The following RPS6KB1 variants were observed in gnomAD, a reference collection of about 807,000 sequenced individuals.
RPS6KB1 encodes ribosomal protein S6 kinase B1, also known as ribosomal protein S6 kinase beta-1.
In RPS6KB1, 12 loss-of-function variants were observed where a neutral mutation model predicts 70.2. That is an observed-to-expected ratio of 0.17 (90% CI 0.11 to 0.28). The LOEUF is 0.28. RPS6KB1 is among the 10% of genes least tolerant of loss of function. RPS6KB1 has a pLI of 1.00. For missense variants in RPS6KB1, 270 were observed against 646.6 expected (o/e 0.42, Z 6.32); for synonymous variants, 175 against 211.2 (o/e 0.83, Z 1.49).
intron 4 of RPS6KB1, among the ~76,000 whole-genome samples, chr17:59,919,857 C>G (rs2043168454): frequency 6.6e-6 from 1 of 152,054 alleles, no homozygotes; most frequent in African/African-American, 2.4e-5. Context: ...AATTTTTCCT[C>G]TAATGTTTGA....
chr17:59,929,590 T>A (rs1372103686), intron 5 of RPS6KB1, among the ~76,000 whole-genome samples: 1 of 152,252 alleles, frequency 6.6e-6, no homozygotes, highest in Non-Finnish European at 1.5e-5. Context: ...GACTTAGGGA[T>A]CCTAATATCA....
At chr17:59,938,464 C>T (rs2044381230) in intron 12 of RPS6KB1, among the ~76,000 whole-genome samples, 1 of 150,912 alleles carries the variant, frequency 6.6e-6, no homozygotes, top group Non-Finnish European at 1.5e-5. Context: ...GTTACTATGT[C>T]TCTTAGGTCT....
rs2041313131 is a variant in RPS6KB1 at position 59,893,833 on chromosome 17, C to A, written c.141+508C>A. On this transcript the variant is annotated intron_variant, in intron 1 of 14. Transcript: ENST00000225577. The surrounding 1 kb of genome is among the most constrained non-coding windows in gnomAD (Gnocchi z 4.1). ...TGTTAGAAGTGACAGCTGAAAACTT[C>A]TGTCGGGAGTAGCACTGCCGCTGCT... 1 of 986,234 alleles carries A rather than the reference C, an allele frequency of 1.0e-6. No homozygotes were observed. The highest frequency in any genetic ancestry group is 6.1e-5 in the Admixed American group (1 of 16,472). The allele number at this position is 986,234 out of a possible 1,614,324, so 61.1% of individuals were successfully genotyped here.
intron 10 of RPS6KB1, among the ~76,000 whole-genome samples, chr17:59,935,732 C>T (rs1320972714): frequency 6.6e-6 from 1 of 152,020 alleles, no homozygotes; most frequent in Non-Finnish European, 1.5e-5. Flanking sequence ...GCCCTGGCCT[C>T]CCAAAGTGCT....
intron 4 of RPS6KB1, among the ~76,000 whole-genome samples, chr17:59,923,299 C>T (rs1344502873): frequency 6.6e-6 from 1 of 152,010 alleles, no homozygotes; most frequent in Non-Finnish European, 1.5e-5. Context: ...TCCAGTCATT[C>T]TCGTGCCTCA....
chr17:59,945,637 A>G, intron 14 of RPS6KB1, 119 bp downstream of exon 14: 2 of 632,450 alleles, frequency 3.2e-6, no homozygotes, highest in East Asian at 5.5e-5. Context: ...TTTGGTTGAC[A>G]TAAGCACAGC....
intron 4 of RPS6KB1, among the ~76,000 whole-genome samples, chr17:59,916,779 T>A (rs2042986447): frequency 6.6e-6 from 1 of 152,176 alleles, no homozygotes; most frequent in African/African-American, 2.4e-5. Flanking sequence ...TTTTTCTTAG[T>A]TTATGTCCTT....
intron 1 of RPS6KB1, among the ~76,000 whole-genome samples, chr17:59,906,723 C>G (rs1324339000): frequency 6.6e-6 from 1 of 152,020 alleles, no homozygotes; most frequent in Non-Finnish European, 1.5e-5. Context: ...GAGATGGAGT[C>G]TCGCTCTGTC....
rs748902570 is a variant in RPS6KB1, at chr17:59,947,581, T to G, written c.*793T>G. On this transcript the variant is annotated 3_prime_UTR_variant, in exon 15 of 15. Coordinates refer to ENST00000225577, the MANE Select transcript of RPS6KB1 (RefSeq NM_003161.4). Reference sequence around the variant, plus strand: ...AATGAATCTATTTAATCATTTCTACTTGCAGTACTGCTATGTGCTAAGCTT... The same window carrying G: ...AATGAATCTATTTAATCATTTCTACGTGCAGTACTGCTATGTGCTAAGCTT... 1 of 1,517,640 alleles carries G rather than the reference T, an allele frequency of 6.6e-7. No individual in the cohort carries two copies. Among genetic ancestry groups the G allele is most frequent in the East Asian group, 2.4e-5 (1 of 41,646 alleles). The allele number at this position is 1,517,640 out of a possible 1,614,324, so 94.0% of individuals were successfully genotyped here. A position where few individuals can be genotyped will look rare whatever the true frequency, so the allele number is the denominator to read the frequency against.
chr17:59,932,363 G>A (rs1377169641), intron 7 of RPS6KB1, among the ~76,000 whole-genome samples: 3 of 152,028 alleles, frequency 2.0e-5, no homozygotes, highest in Non-Finnish European at 4.4e-5. Context: ...AGTGAGCCAA[G>A]ATCGCGACAT....
At chr17:59,937,121 C>G (rs1184283405) in intron 12 of RPS6KB1, among the ~76,000 whole-genome samples, 1 of 152,196 alleles carries the variant, frequency 6.6e-6, no homozygotes, top group East Asian at 1.9e-4. Context: ...CTCAGCCTCT[C>G]AAAGTGCTGG....
chr17:59,944,365 C>G (rs1399055836), intron 13 of RPS6KB1, among the ~76,000 whole-genome samples: 1 of 152,162 alleles, frequency 6.6e-6, no homozygotes, highest in Non-Finnish European at 1.5e-5. Flanking sequence ...AACAAAACTG[C>G]ATTTTTGCCT....
At chr17:59,941,257 G>A (rs999284079) in intron 13 of RPS6KB1, among the ~76,000 whole-genome samples, 6 of 151,652 alleles carry the variant, frequency 4.0e-5, no homozygotes, top group Non-Finnish European at 5.9e-5. Context: ...CATAGCAGTC[G>A]GGGAGAAAAA....
chr17:59,935,779 T>C (rs568959253), intron 10 of RPS6KB1, among the ~76,000 whole-genome samples: 2 of 150,972 alleles, frequency 1.3e-5, no homozygotes, highest in African/African-American at 4.9e-5. Flanking sequence ...CAATATTAAG[T>C]AGTAATTAGT....
intron 6 of RPS6KB1, 50 bp downstream of exon 6, chr17:59,930,224 C>A (rs1720441417): frequency 9.8e-7 from 1 of 1,022,574 alleles, no homozygotes; most frequent in Middle Eastern, 2.0e-4. Flanking sequence ...ACAAGCAAAG[C>A]CCCATTCCCA....
intron 12 of RPS6KB1, among the ~76,000 whole-genome samples, chr17:59,939,641 G>A (rs1470373740): frequency 8.5e-5 from 13 of 152,296 alleles, no homozygotes; most frequent in East Asian, 1.9e-4. Context: ...TGAATGCTGG[G>A]TGCATCTTCA....
chr17:59,905,108 T>C (rs2042189297), intron 1 of RPS6KB1, among the ~76,000 whole-genome samples: 3 of 151,916 alleles, frequency 2.0e-5, no homozygotes, highest in Admixed American at 2.0e-4. Context: ...CCTTGACCTC[T>C]TGGACTCAAA....
At chr17:59,896,356 G>A (rs1171685257) in intron 1 of RPS6KB1, among the ~76,000 whole-genome samples, 2 of 152,032 alleles carry the variant, frequency 1.3e-5, no homozygotes, top group Non-Finnish European at 2.9e-5. Flanking sequence ...ACCAGGCCCG[G>A]CTAATTTTTG....
intron 13 of RPS6KB1, among the ~76,000 whole-genome samples, chr17:59,943,378 T>C (rs1226493523): frequency 6.6e-6 from 1 of 152,142 alleles, no homozygotes; most frequent in African/African-American, 2.4e-5. Context: ...TATGTGACAG[T>C]TTTCCCCCCA....
Sources: gnomAD v4.1 joint callset for allele counts (sites outside exome capture counted in the v4.1 genomes callset) on GRCh38, gnomAD v4.1.1 for gene constraint, Gnocchi (gnomAD v3.1) non-coding constraint, MANE v1.5 for transcripts, NCBI Gene and HGNC (gene_info 2026-07-23, HGNC 2026-07-21) for gene names.